The following TSNARE1 variants were observed in gnomAD, a reference collection of about 807,000 sequenced individuals.
The protein encoded by TSNARE1 is t-SNARE domain-containing protein 1.
In TSNARE1, 49 loss-of-function variants were observed where a neutral mutation model predicts 62.0. The ratio of observed to expected loss-of-function variants is 0.79; its 90% CI spans 0.63 to 1.00. The LOEUF (loss-of-function observed/expected upper bound fraction) is 1.00. TSNARE1 is among the 50% of genes least tolerant of loss of function. TSNARE1 has a pLI of 0.00. For missense variants in TSNARE1, 755 were observed against 700.1 expected, an observed-to-expected ratio of 1.08 and a Z score of -0.88; for synonymous variants, 328 against 294.4, an observed-to-expected ratio of 1.11 and a Z score of -1.17.
In TSNARE1 at chr8:142,382,096, G is replaced by A. The variant is rs572908941; in HGVS notation, c.-40+21008C>T. Among the ~76,000 whole-genome samples the A allele has an allele frequency of 7.9e-5, 12 of 152,302 alleles. No individual in the cohort carries two copies. In the East Asian group the frequency reaches 1.9e-3, roughly 25 times the overall value. ...CCAGCATCAGCCCTGTGCAGCCTCCGTGTGGAATGGGGCCCCTGCGCATGG... is the reference window on the plus strand; with the variant it reads ...CCAGCATCAGCCCTGTGCAGCCTCCATGTGGAATGGGGCCCCTGCGCATGG... On this transcript the variant is annotated intron_variant, in intron 1 of 13. Coordinates refer to ENST00000524325, the MANE Select transcript of TSNARE1 (RefSeq NM_145003.5).
At chr8:142,357,944 C>A (rs1834873261) in intron 1 of TSNARE1, among the ~76,000 whole-genome samples, 1 of 152,038 alleles carries the variant, frequency 6.6e-6, no homozygotes, top group African/African-American at 2.4e-5. Context: ...GCCATCACTG[C>A]AAAGGGCGGC....
chr8:142,361,646 C>T (rs6984313), intron 1 of TSNARE1, among the ~76,000 whole-genome samples: 28,110 of 152,148 alleles, frequency 0.18, 2,894 homozygotes, highest in East Asian at 0.29. Context: ...ACATGGTGAC[C>T]GAGGTGGAGC....
chr8:142,329,860 A>G (rs1830758114), intron 6 of TSNARE1, among the ~76,000 whole-genome samples: 1 of 152,240 alleles, frequency 6.6e-6, no homozygotes, highest in Non-Finnish European at 1.5e-5. Flanking sequence ...GGCTAAGAAT[A>G]GAACTGCCCT....
intron 12 of TSNARE1, among the ~76,000 whole-genome samples, chr8:142,234,078 A>G (rs1463554805): frequency 6.6e-6 from 1 of 152,180 alleles, no homozygotes; most frequent in African/African-American, 2.4e-5. Context: ...AGTGACCCCA[A>G]TCATGGAGGC....
chr8:142,221,760 C>T (rs143132051), intron 13 of TSNARE1, among the ~76,000 whole-genome samples: 1 of 2,328 alleles, frequency 4.3e-4, no homozygotes, highest in Non-Finnish European at 1.3e-3. Context: ...CACTCATTCA[C>T]TCACTCACTC....
intron 1 of TSNARE1, among the ~76,000 whole-genome samples, chr8:142,371,068 C>T (rs1212497367): frequency 6.6e-6 from 1 of 152,238 alleles, no homozygotes; most frequent in Non-Finnish European, 1.5e-5. Flanking sequence ...ATCCTACAGA[C>T]ATTCAAAGAA....
chr8:142,335,744 T>C (rs1433457921), intron 4 of TSNARE1, among the ~76,000 whole-genome samples: 1 of 152,232 alleles, frequency 6.6e-6, no homozygotes, highest in East Asian at 1.9e-4. Flanking sequence ...TCCACTCCAG[T>C]AGCCATCAAC....
At chr8:142,238,551 C>A (rs1817544924) in intron 12 of TSNARE1, among the ~76,000 whole-genome samples, 1 of 151,974 alleles carries the variant, frequency 6.6e-6, no homozygotes, top group Non-Finnish European at 1.5e-5. Context: ...ACCGTGGTAC[C>A]TCTCCTGCCA....
chr8:142,270,402 A>T, intron 12 of TSNARE1: 1 of 985,312 alleles, frequency 1.0e-6, no homozygotes, highest in Non-Finnish European at 1.2e-6. Flanking sequence ...ATGCTTATGT[A>T]AAAAAATACT....
chr8:142,368,660 G>T (rs1212694941), intron 1 of TSNARE1, among the ~76,000 whole-genome samples: 3 of 152,178 alleles, frequency 2.0e-5, no homozygotes, highest in Non-Finnish European at 2.9e-5. Flanking sequence ...TCTTCTCCAT[G>T]GGCTCAAGAG....
chr8:142,257,696 G>T (rs544346221), intron 12 of TSNARE1, among the ~76,000 whole-genome samples: 2 of 152,208 alleles, frequency 1.3e-5, no homozygotes, highest in South Asian at 4.1e-4. Context: ...TCCCTCTAAA[G>T]ATCCCCGCGA....
chr8:142,371,354 G>C (rs1835899591), intron 1 of TSNARE1, among the ~76,000 whole-genome samples: 1 of 152,210 alleles, frequency 6.6e-6, no homozygotes, highest in African/African-American at 2.4e-5. Flanking sequence ...GGCTGCCAGG[G>C]GCTAGGGGTC....
chr8:142,307,518 T>C (rs1284385164), intron 9 of TSNARE1, among the ~76,000 whole-genome samples: 3 of 152,242 alleles, frequency 2.0e-5, no homozygotes, highest in Non-Finnish European at 4.4e-5. Flanking sequence ...CTCCCATATA[T>C]TTAAATCACC....
chr8:142,311,293 T>C (rs1487843278), intron 9 of TSNARE1, among the ~76,000 whole-genome samples: 3 of 131,636 alleles, frequency 2.3e-5, no homozygotes, highest in African/African-American at 9.1e-5. Flanking sequence ...CTCTCTAGTT[T>C]TTTTTTTTTT....
intron 2 of TSNARE1, among the ~76,000 whole-genome samples, chr8:142,353,369 G>T (rs761781120): frequency 6.6e-6 from 1 of 152,180 alleles, no homozygotes; most frequent in East Asian, 1.9e-4. Flanking sequence ...TGGTCTCGGC[G>T]GGAAGGAGGA....
intron 9 of TSNARE1, among the ~76,000 whole-genome samples, chr8:142,311,440 G>C (rs1827611592): frequency 6.6e-6 from 1 of 151,570 alleles, no homozygotes; most frequent in African/African-American, 2.4e-5. Context: ...TGGAATTACA[G>C]GCATGTGCCA....
intron 6 of TSNARE1, chr8:142,326,221 T>G (rs372401112): frequency 1.6e-4 from 6 of 36,574 alleles, no homozygotes; most frequent in East Asian, 1.0e-3. Flanking sequence ...GGGAGGGCCC[T>G]GGAGAGCATG....
At chr8:142,323,830 C>A (rs1419989948) in intron 6 of TSNARE1, among the ~76,000 whole-genome samples, 2 of 152,158 alleles carry the variant, frequency 1.3e-5, no homozygotes, top group African/African-American at 4.8e-5. Flanking sequence ...CTTCCCCATC[C>A]ATCCTCACGG....
At chr8:142,324,591 T>A (rs142382940) in intron 6 of TSNARE1, among the ~76,000 whole-genome samples, 7 of 152,342 alleles carry the variant, frequency 4.6e-5, no homozygotes, top group Non-Finnish European at 8.8e-5. Context: ...GCACCTCATG[T>A]CCCGCGTATC....
Sources: gnomAD v4.1 joint callset for allele counts (sites outside exome capture counted in the v4.1 genomes callset) on GRCh38, gnomAD v4.1.1 for gene constraint, MANE v1.5 for transcripts, NCBI Gene and HGNC (gene_info 2026-07-23, HGNC 2026-07-21) for gene names.